The following EVC variants were observed in gnomAD, a reference collection of about 807,000 sequenced individuals.
The protein encoded by EVC is EvC ciliary complex subunit 1.
EVC carries 116 observed loss-of-function variants against 118.9 expected under a neutral mutation model. That is an observed-to-expected ratio of 0.98 (90% CI 0.84 to 1.14). The LOEUF is 1.14. Among genes scored for constraint, EVC ranks in the 50% most tolerant of loss-of-function variants. The pLI is 0.00. For synonymous variants in EVC, 619 were observed against 534.7 expected (o/e 1.16, Z -2.18); for missense variants, 1,401 against 1,246.4 (o/e 1.12, Z -1.87).
At chr4:5,748,495 T>TTGAC in intron 8 of EVC, among the ~76,000 whole-genome samples, 189 bp downstream of exon 8, 1 of 149,232 alleles carries the variant, frequency 6.7e-6, no homozygotes, top group African/African-American at 2.5e-5. Flanking sequence ...CATCCACCCA[T>TTGAC]CCATCCACCC....
intron 12 of EVC, among the ~76,000 whole-genome samples, chr4:5,786,814 G>T (rs976423250): frequency 6.6e-6 from 1 of 150,724 alleles, no homozygotes; most frequent in Non-Finnish European, 1.5e-5. Flanking sequence ...AGAGCTTGCA[G>T]TGAGCCGAGA....
chr4:5,740,313 A>C (rs1321123021), intron 5 of EVC, among the ~76,000 whole-genome samples: 1 of 152,046 alleles, frequency 6.6e-6, no homozygotes, highest in Non-Finnish European at 1.5e-5. Flanking sequence ...TCTACTAAAA[A>C]TACAAAAATT....
At chr4:5,720,286 T>C (rs1428339275) in intron 2 of EVC, among the ~76,000 whole-genome samples, 1 of 152,144 alleles carries the variant, frequency 6.6e-6, no homozygotes, top group Non-Finnish European at 1.5e-5. Flanking sequence ...ACGTGAATGA[T>C]CTCGTGCCCT....
At chr4:5,826,436 G>A in the EVC span, 1 of 149,482 alleles carries the variant, frequency 6.7e-6, no homozygotes, top group Non-Finnish European at 1.5e-5. Context: ...TGGGGGGCAG[G>A]GCTGGGGATG....
In EVC at chr4:5,749,314, A is replaced by C. The variant is rs1477892589; in HGVS notation, c.1098+1008A>C. Among the ~76,000 whole-genome samples, 2 of 149,156 alleles carry C rather than the reference A, an allele frequency of 1.3e-5. No individual in the cohort carries two copies. Among genetic ancestry groups the C allele is most frequent in the East Asian group, 4.0e-4 (2 of 5,000 alleles). The stretch of plus-strand genomic sequence containing the variant: ...TTGTCTTAGGCCACACATAAAATAC[A>C]TTAACACTAACGATAGCTGATGAGC... On this transcript the variant is annotated intron_variant, in intron 8 of 20. Transcript: ENST00000264956. The surrounding 1 kb of genome is among the most constrained non-coding windows in gnomAD (Gnocchi z 4.4).
chr4:5,761,527 G>A (rs1411901670), intron 11 of EVC, among the ~76,000 whole-genome samples: 1 of 151,644 alleles, frequency 6.6e-6, no homozygotes, highest in African/African-American at 2.4e-5. Flanking sequence ...GGGTGGGGCA[G>A]CAATGAGAGG....
At position 5,758,190 on chromosome 4, in the gene EVC, C is replaced by G. The variant is rs1731474695; in HGVS notation, c.1563+1828C>G. On this transcript the variant is annotated intron_variant, in intron 11 of 20. Transcript: ENST00000264956. ...AGGAACACCTGCAGCCACCAAAAGC[C>G]AGAAGAGCCCAGGAAGGGCCCCTCC... 3 of 698,700 alleles carry G rather than the reference C, an allele frequency of 4.3e-6. No homozygotes were observed. The East Asian group carries it at 8.1e-5, about 19-fold the overall frequency. 43.3% of individuals were successfully genotyped at this position (698,700 alleles called of 1,614,324 possible).
the EVC span, chr4:5,828,376 G>A: frequency 6.9e-7 from 1 of 1,453,664 alleles, no homozygotes; most frequent in Non-Finnish European, 9.1e-7. Context: ...AGGAAACGGA[G>A]GTTCCCAGGG....
Position 5,804,754 on chromosome 4 carries a change from T to G in EVC, c.2474T>G (p.Leu825Arg). The change falls in exon 17 of 21, where the codon CTG becomes CGG. Residue 825 changes from leucine (L) to arginine (R), a missense_variant. Leu to Arg is a moderately radical substitution (Grantham distance 102, BLOSUM62 -2). Transcript: ENST00000264956. The part of the protein sequence containing the change: ...LQGERMENYK[L>R]RKKQELSNPS... ...GGTGAGAGGATGGAAAATTACAAAC[T>G]GCGGAAAAAGCAAGAACTCAGCAAC... 6.2e-7 allele frequency: 1 copy of G among 1,614,086 alleles called. No individual in the cohort carries two copies. Among genetic ancestry groups the G allele is most frequent in the South Asian group, 1.1e-5 (1 of 91,060 alleles).
At position 5,813,842 on chromosome 4, in the gene EVC, G is replaced by A. The variant is rs1717276039; in HGVS notation, c.*2805G>A. 1 of 152,274 alleles carries A rather than the reference G, an allele frequency of 6.6e-6. No homozygotes were observed. The highest frequency in any genetic ancestry group is 1.5e-5 in the Non-Finnish European group (1 of 68,060). The allele number at this position is 152,274 out of a possible 1,614,324, so 9.4% of individuals were successfully genotyped here. On this transcript the variant is annotated 3_prime_UTR_variant, in exon 21 of 21. Coordinates refer to ENST00000264956, the MANE Select transcript of EVC (RefSeq NM_153717.3). ...GGCCCACCCTTGCCGCCCAGCTGTTGTGCTGGGCACAGTCTGGGGCACAGG... is the reference window on the plus strand; with the variant it reads ...GGCCCACCCTTGCCGCCCAGCTGTTATGCTGGGCACAGTCTGGGGCACAGG...
At chr4:5,781,383 A>G (rs556671651) in intron 11 of EVC, among the ~76,000 whole-genome samples, 21 of 152,276 alleles carry the variant, frequency 1.4e-4, no homozygotes, top group Admixed American at 5.2e-4. Flanking sequence ...ATACCCTGGT[A>G]GGCTAACCAA....
rs1041732537 is a variant in EVC, at chr4:5,731,145, G to A, written c.385-280G>A. Among the ~76,000 whole-genome samples, 7 of 152,008 alleles carry A rather than the reference G, an allele frequency of 4.6e-5. No homozygotes were observed. The highest frequency in any genetic ancestry group is 1.5e-4 in the African/African-American group (6 of 41,378). On this transcript the variant is annotated intron_variant, in intron 3 of 20. Coordinates refer to ENST00000264956, the MANE Select transcript of EVC (RefSeq NM_153717.3). The surrounding 1 kb of genome is among the most constrained non-coding windows in gnomAD (Gnocchi z 5.6). The stretch of plus-strand genomic sequence containing the variant: ...GGCAGCTGGGAGGAGGGTGCGCTGG[G>A]TGTCCGGGGCACAGATCCAGGTTGG...
At chr4:5,790,289 TG>T (rs1712537862) in intron 12 of EVC, among the ~76,000 whole-genome samples, 1 of 151,902 alleles carries the variant, frequency 6.6e-6, no homozygotes, top group African/African-American at 2.4e-5. Flanking sequence ...GAATCAGAGA[TG>T]GGAGTTAATG....
Position 5,810,941 on chromosome 4 carries a change from C to T in EVC, c.2895-12C>T, listed in dbSNP as rs755536415. 1 of 1,609,032 alleles carries T rather than the reference C, an allele frequency of 6.2e-7. No individual in the cohort carries two copies. On this transcript the variant is annotated splice_polypyrimidine_tract_variant and intron_variant, in intron 20 of 20. Transcript: ENST00000264956. Reference sequence around the variant, plus strand: ...AGCGTTCTAACTGGCTGCCTTTCTTCTCTGTTTTAAGCAGCAAAAGGCTGA... The same window carrying T: ...AGCGTTCTAACTGGCTGCCTTTCTTTTCTGTTTTAAGCAGCAAAAGGCTGA...
chr4:5,813,373 T>A lies in EVC; in HGVS notation c.*2336T>A, dbSNP rs1717209720. On this transcript the variant is annotated 3_prime_UTR_variant, in exon 21 of 21. Coordinates refer to ENST00000264956, the MANE Select transcript of EVC (RefSeq NM_153717.3). ...TGTGCCACCACGCCTGGCTAAATCT[T>A]TTTTGTATTTTATTTTAGTAGAGAC... The A allele has an allele frequency of 6.6e-6, 1 of 152,050 alleles. No homozygotes were observed. Among genetic ancestry groups the A allele is most frequent in the Non-Finnish European group, 1.5e-5 (1 of 68,022 alleles). The allele number at this position is 152,050 out of a possible 1,614,324, so 9.4% of individuals were successfully genotyped here.
At chr4:5,717,631 GC>G (rs1438318486) in intron 1 of EVC, among the ~76,000 whole-genome samples, 2 of 151,810 alleles carry the variant, frequency 1.3e-5, no homozygotes, top group African/African-American at 4.8e-5. Flanking sequence ...ACGACAGACT[GC>G]TGCATCTACA....
chr4:5,721,050 T>C (rs1187413018), intron 2 of EVC, among the ~76,000 whole-genome samples: 3 of 152,152 alleles, frequency 2.0e-5, no homozygotes, highest in African/African-American at 7.2e-5. Context: ...GGTCTTTCTG[T>C]GTGCATCTTT....
chr4:5,801,127 C>T (rs1300468133), intron 15 of EVC, among the ~76,000 whole-genome samples: 1 of 152,176 alleles, frequency 6.6e-6, no homozygotes, highest in Non-Finnish European at 1.5e-5. Context: ...CATGTAGCTG[C>T]AAGTAACATG....
At chr4:5,769,481 T>C (rs79145491) in intron 11 of EVC, among the ~76,000 whole-genome samples, 1 of 57,728 alleles carries the variant, frequency 1.7e-5, no homozygotes, top group Non-Finnish European at 4.2e-5. Flanking sequence ...GAATCCCCCC[T>C]GTCTCTCGGC....
Sources: gnomAD v4.1 joint callset for allele counts (sites outside exome capture counted in the v4.1 genomes callset) on GRCh38, gnomAD v4.1.1 for gene constraint, Gnocchi (gnomAD v3.1) non-coding constraint, MANE v1.5 for transcripts, NCBI Gene and HGNC (gene_info 2026-07-23, HGNC 2026-07-21) for gene names.